Variants in NRXN1 observed in about 807,000 individuals in gnomAD.
The protein encoded by NRXN1 is neurexin 1.
Under a neutral mutation model 150.9 loss-of-function variants are expected in NRXN1, and 39 were observed. The observed-to-expected ratio is 0.26, with a 90% CI of 0.20 to 0.34. NRXN1 has a LOEUF of 0.34. Ranked by LOEUF, NRXN1 falls within the 10% of genes least tolerant of loss-of-function variation. The pLI, the probability that NRXN1 is intolerant of heterozygous loss-of-function variation, is 1.00. For synonymous variants in NRXN1, 924 were observed against 757.0 expected (o/e 1.22, Z -3.62); for missense variants, 1,815 against 1,949.9 (o/e 0.93, Z 1.30).
intron 8 of NRXN1, among the ~76,000 whole-genome samples, chr2:50,555,755 C>A (rs987823022): frequency 6.6e-6 from 1 of 152,086 alleles, no homozygotes; most frequent in African/African-American, 2.4e-5. Context: ...TATTGCGGAC[C>A]AATCTCATAA....
chr2:50,616,171 A>G (rs1174769459), intron 8 of NRXN1: 2 of 152,138 alleles, frequency 1.3e-5, no homozygotes, highest in East Asian at 3.9e-4. Flanking sequence ...TGATGAAAAT[A>G]TGAATTATTT....
intron 5 of NRXN1, among the ~76,000 whole-genome samples, chr2:50,814,069 C>T (rs1166296547): frequency 6.6e-6 from 1 of 152,160 alleles, no homozygotes; most frequent in Non-Finnish European, 1.5e-5. Context: ...CATTTGTCCA[C>T]AGTAGGTAAG....
intron 21 of NRXN1, among the ~76,000 whole-genome samples, chr2:49,955,972 T>C (rs1335100473): frequency 2.0e-5 from 3 of 152,148 alleles, no homozygotes; most frequent in Non-Finnish European, 4.4e-5. Flanking sequence ...CTCAGAACAT[T>C]TAGAATACTG....
intron 5 of NRXN1, among the ~76,000 whole-genome samples, chr2:50,828,774 G>C (rs1255188041): frequency 6.7e-6 from 1 of 149,236 alleles, no homozygotes; most frequent in African/African-American, 2.5e-5. Flanking sequence ...GGCTCCTCAT[G>C]TCCCAGACGA....
At chr2:50,003,973 C>T (rs1421577) in intron 21 of NRXN1, among the ~76,000 whole-genome samples, 3 of 152,046 alleles carry the variant, frequency 2.0e-5, no homozygotes, top group Non-Finnish European at 4.4e-5. Flanking sequence ...AGAGATACAA[C>T]ATAATAATTC....
At chr2:50,133,278 G>C (rs1478453372) in intron 18 of NRXN1, among the ~76,000 whole-genome samples, 1 of 124,830 alleles carries the variant, frequency 8.0e-6, no homozygotes, top group African/African-American at 2.9e-5. Flanking sequence ...GCAGGACTGA[G>C]TTGGTTGGAA....
intron 15 of NRXN1, among the ~76,000 whole-genome samples, chr2:50,492,556 T>C (rs1245927296): frequency 6.6e-6 from 1 of 152,168 alleles, no homozygotes; most frequent in Admixed American, 6.5e-5. Context: ...TGTGGAATTT[T>C]AGATGTCTGA....
At chr2:50,951,275 A>G (rs1691288425) in intron 2 of NRXN1, among the ~76,000 whole-genome samples, 1 of 152,168 alleles carries the variant, frequency 6.6e-6, no homozygotes, top group Non-Finnish European at 1.5e-5. Context: ...CTGTGAATGC[A>G]TATGCATATA....
At chr2:50,827,931 C>T (rs1670706839) in intron 5 of NRXN1, among the ~76,000 whole-genome samples, 1 of 145,874 alleles carries the variant, frequency 6.9e-6, no homozygotes, top group Non-Finnish European at 1.5e-5. Flanking sequence ...GGTAAGGTCA[C>T]AGATCAACAG....
In NRXN1 at chr2:50,621,263, G is replaced by A. The variant is rs1450283975; in HGVS notation, c.1135-14C>T. ...AATGCCTGAGTGCTTTGTGGAGAAGGGGGGAGAAAGGAAATTAAAAACTGT... is the reference window on the plus strand; with the variant it reads ...AATGCCTGAGTGCTTTGTGGAGAAGAGGGGAGAAAGGAAATTAAAAACTGT... On this transcript the variant is annotated splice_polypyrimidine_tract_variant and intron_variant, in intron 6 of 22. Coordinates refer to ENST00000401669, the MANE Select transcript of NRXN1 (RefSeq NM_001330078.2). The A allele has an allele frequency of 2.6e-6, 4 of 1,560,290 alleles. No individual in the cohort carries two copies. The highest frequency in any genetic ancestry group is 1.7e-4 in the Middle Eastern group (1 of 5,994).
chr2:50,243,319 A>T (rs2066200115), intron 17 of NRXN1, among the ~76,000 whole-genome samples: 1 of 151,804 alleles, frequency 6.6e-6, no homozygotes, highest in African/African-American at 2.4e-5. Flanking sequence ...AAACACAATA[A>T]ATAAATTTGA....
intron 5 of NRXN1, among the ~76,000 whole-genome samples, chr2:50,793,812 G>A (rs1430986282): frequency 6.6e-6 from 1 of 152,046 alleles, no homozygotes; most frequent in African/African-American, 2.4e-5. Context: ...AGGACCCTCA[G>A]CATGAGCAGC....
chr2:50,212,248 TCAA>T (rs1245009054), intron 18 of NRXN1, among the ~76,000 whole-genome samples: 1 of 143,152 alleles, frequency 7.0e-6, no homozygotes, highest in Non-Finnish European at 1.5e-5. Context: ...AAGTAGAAAA[TCAA>T]CAAGATAAGC....
At chr2:50,763,724 T>A (rs1415999865) in intron 5 of NRXN1, among the ~76,000 whole-genome samples, 1 of 151,900 alleles carries the variant, frequency 6.6e-6, no homozygotes, top group Admixed American at 6.6e-5. Context: ...TTGAAGGTGA[T>A]ATTTCACCTG....
intron 2 of NRXN1, among the ~76,000 whole-genome samples, chr2:51,010,890 T>C (rs575466681): frequency 1.3e-5 from 2 of 151,658 alleles, no homozygotes; most frequent in African/African-American, 2.4e-5. Flanking sequence ...CCTCAAGCAA[T>C]CTACCTCAGC....
chr2:50,213,832 T>A (rs1308225315), intron 18 of NRXN1, among the ~76,000 whole-genome samples: 2 of 151,886 alleles, frequency 1.3e-5, no homozygotes, highest in Non-Finnish European at 2.9e-5. Context: ...GTATTCCATT[T>A]AAAAAGTGTG....
chr2:51,019,004 T>G (rs999613963), intron 2 of NRXN1, among the ~76,000 whole-genome samples: 4 of 152,084 alleles, frequency 2.6e-5, no homozygotes, highest in African/African-American at 7.2e-5. Flanking sequence ...TTTATTATCA[T>G]GACAGTAGGA....
chr2:49,922,026 G>A lies in NRXN1; in HGVS notation c.4442C>T (p.Ala1481Val), dbSNP rs1159515190. The A allele has an allele frequency of 6.2e-7, 1 of 1,614,046 alleles. No individual in the cohort carries two copies. Among genetic ancestry groups the A allele is most frequent in the Non-Finnish European group, 8.5e-7 (1 of 1,180,000 alleles). The change falls in exon 23 of 23, where the codon GCT becomes GTT. Residue 1481 changes from alanine to valine, a missense_variant. Ala to Val is a moderately conservative substitution (Grantham distance 64). Around this residue, in one of 6 missense-constraint regions of NRXN1, gnomAD observed 265 missense variants for 307.1 expected, o/e 0.86. Coordinates refer to ENST00000401669, the MANE Select transcript of NRXN1 (RefSeq NM_001330078.2). ...GCTGGGTTGTTTCTCCTTTACAACA[G>A]CCCCATTGGACTGTGCTGAGTTACT... ...YISNSAQSNG[A>V]VVKEKQPSSA...
chr2:50,422,399 C>T (rs891581369), intron 17 of NRXN1, among the ~76,000 whole-genome samples: 1 of 151,954 alleles, frequency 6.6e-6, no homozygotes, highest in African/African-American at 2.4e-5. Flanking sequence ...GAAAGACAAC[C>T]ATGAAAATAA....
Sources: gnomAD v4.1 joint callset for allele counts (sites outside exome capture counted in the v4.1 genomes callset) on GRCh38, gnomAD v4.1.1 for gene constraint, gnomAD v4.1.1 regional missense constraint, MANE v1.5 for transcripts, NCBI Gene and HGNC (gene_info 2026-07-23, HGNC 2026-07-21) for gene names.